TSPAN5: variants seen among roughly 807,000 people sequenced by gnomAD.
TSPAN5 encodes the protein tetraspanin-5.
A neutral mutation model predicts 37.1 loss-of-function variants in TSPAN5; 10 were observed. The observed-to-expected ratio is 0.27, with a 90% confidence interval of 0.17 to 0.46. The LOEUF is 0.46. Ranked by LOEUF, TSPAN5 falls within the 20% of genes least tolerant of loss-of-function variation. TSPAN5 has a pLI of 1.00. For synonymous variants in TSPAN5, 110 were observed against 118.9 expected (o/e 0.93, Z 0.48); for missense variants, 195 against 326.6 (o/e 0.60, Z 3.11).
chr4:98,570,397 G>A (rs962234822), intron 1 of TSPAN5, among the ~76,000 whole-genome samples: 4 of 152,308 alleles, frequency 2.6e-5, no homozygotes, highest in South Asian at 2.1e-4. Flanking sequence ...CACTGCCTAC[G>A]TAAAGACCAC....
At chr4:98,577,785 C>G (rs1755273023) in intron 1 of TSPAN5, among the ~76,000 whole-genome samples, 2 of 152,178 alleles carry the variant, frequency 1.3e-5, no homozygotes. Context: ...GTGTGAGTGA[C>G]TTTACCTCTC....
At chr4:98,576,483 CAG>C (rs1357897656) in intron 1 of TSPAN5, among the ~76,000 whole-genome samples, 2 of 152,116 alleles carry the variant, frequency 1.3e-5, no homozygotes, top group African/African-American at 2.4e-5. Context: ...CCTGTAATCC[CAG>C]ACAACATACT....
chr4:98,621,795 C>T (rs553374506), intron 1 of TSPAN5, among the ~76,000 whole-genome samples: 14 of 151,258 alleles, frequency 9.3e-5, no homozygotes, highest in Non-Finnish European at 2.1e-4. Context: ...CCCACCCCCC[C>T]CGCAGCCCCT....
intron 3 of TSPAN5, 45 bp downstream of exon 3, chr4:98,486,693 T>C (rs1183042452): frequency 6.2e-7 from 1 of 1,612,452 alleles, no homozygotes; most frequent in Non-Finnish European, 8.5e-7. Flanking sequence ...TGATGGAAGG[T>C]AAAGTTTTGG....
At chr4:98,491,110 C>T (rs12330953) in intron 2 of TSPAN5, among the ~76,000 whole-genome samples, 67,820 of 151,854 alleles carry the variant, frequency 0.45, 15,451 homozygotes, top group Admixed American at 0.54. Context: ...TTTTGAGGTG[C>T]GTGTATATAT....
At position 98,590,826 on chromosome 4, in the gene TSPAN5, TC is replaced by T. The variant is rs1246968332; in HGVS notation, c.81+67319del. On this transcript the variant is annotated intron_variant, in intron 1 of 7. Coordinates refer to ENST00000305798, the MANE Select transcript of TSPAN5 (RefSeq NM_005723.4). Reference sequence around the variant, plus strand: ...ACTCCAAGACTAGTCTATTATCAGCTCACTAAGACCCCACAAGGGTGAAATG... The same window carrying T: ...ACTCCAAGACTAGTCTATTATCAGCTACTAAGACCCCACAAGGGTGAAATG... Among the ~76,000 whole-genome samples the T allele has an allele frequency of 4.6e-5, 7 of 152,216 alleles. No individual in the cohort carries two copies. In the East Asian group the frequency reaches 1.3e-3, roughly 29 times the overall value.
chr4:98,612,068 A>G (rs1220789531), intron 1 of TSPAN5, among the ~76,000 whole-genome samples: 1 of 152,254 alleles, frequency 6.6e-6, no homozygotes, highest in South Asian at 2.1e-4. Flanking sequence ...CTAATTCTAC[A>G]CAGACACTGT....
intron 1 of TSPAN5, among the ~76,000 whole-genome samples, chr4:98,639,214 T>C (rs1228661275): frequency 6.6e-6 from 1 of 152,182 alleles, no homozygotes; most frequent in Non-Finnish European, 1.5e-5. Context: ...ATGAACCCCC[T>C]GCTACACTCT....
At chr4:98,554,390 CTTTG>C (rs35579565) in intron 1 of TSPAN5, among the ~76,000 whole-genome samples, 3,452 of 152,252 alleles carry the variant, frequency 0.023, 122 homozygotes, top group African/African-American at 0.079. Flanking sequence ...GTGTCTCATA[CTTTG>C]TTTGTTCACA....
chr4:98,538,692 T>C (rs571352005), intron 1 of TSPAN5, among the ~76,000 whole-genome samples: 1 of 152,270 alleles, frequency 6.6e-6, no homozygotes, highest in Non-Finnish European at 1.5e-5. Context: ...TAATATTTTA[T>C]GCTATACTTT....
chr4:98,474,039 T>C (rs1752642684), intron 7 of TSPAN5, among the ~76,000 whole-genome samples: 1 of 152,252 alleles, frequency 6.6e-6, no homozygotes, highest in Admixed American at 6.5e-5. Context: ...AGCACAGTTT[T>C]AAATTTTGAA....
In TSPAN5 at chr4:98,498,266, C is replaced by G. The variant is rs147638925; in HGVS notation, c.132+9412G>C. Among the ~76,000 whole-genome samples the G allele has an allele frequency of 6.0e-3, 910 of 152,234 alleles. 6 individuals are homozygous for G. The highest frequency in any genetic ancestry group is 0.01 in the Non-Finnish European group (709 of 68,012). ...TAGCCCAGGTCAGGAAGTGACAGAG[C>G]AGGGTTCTGAGCCTGGGCCGCCTGA... On this transcript the variant is annotated intron_variant, in intron 2 of 7. Coordinates refer to ENST00000305798, the MANE Select transcript of TSPAN5 (RefSeq NM_005723.4).
At chr4:98,649,602 T>C (rs952774988) in intron 1 of TSPAN5, among the ~76,000 whole-genome samples, 3 of 152,256 alleles carry the variant, frequency 2.0e-5, no homozygotes, top group Admixed American at 6.5e-5. Context: ...ATGAAGCACG[T>C]TGATATGCAT....
At chr4:98,519,796 T>C (rs1753813711) in intron 1 of TSPAN5, among the ~76,000 whole-genome samples, 1 of 152,212 alleles carries the variant, frequency 6.6e-6, no homozygotes, top group Non-Finnish European at 1.5e-5. Context: ...TGGACAGCAG[T>C]TGGCTCTAGA....
intron 1 of TSPAN5, chr4:98,509,654 C>T (rs1284844334): frequency 6.6e-6 from 1 of 152,168 alleles, no homozygotes; most frequent in African/African-American, 2.4e-5. Context: ...ACTATCCCAA[C>T]TGAAAAACCG....
chr4:98,655,349 T>C (rs919480544), intron 1 of TSPAN5, among the ~76,000 whole-genome samples: 1 of 152,168 alleles, frequency 6.6e-6, no homozygotes, highest in African/African-American at 2.4e-5. Flanking sequence ...CTCCAGCATA[T>C]TGGAACTCAA....
At chr4:98,582,736 A>G (rs939640896) in intron 1 of TSPAN5, among the ~76,000 whole-genome samples, 1 of 152,150 alleles carries the variant, frequency 6.6e-6, no homozygotes, top group African/African-American at 2.4e-5. Context: ...GGATTCATAC[A>G]CTAAGTTCTT....
At chr4:98,521,331 C>T (rs1361501519) in intron 1 of TSPAN5, among the ~76,000 whole-genome samples, 1 of 152,170 alleles carries the variant, frequency 6.6e-6, no homozygotes, top group African/African-American at 2.4e-5. Flanking sequence ...GAGCAAGGGT[C>T]AGGGAGACTT....
intron 1 of TSPAN5, among the ~76,000 whole-genome samples, chr4:98,655,036 A>G (rs1279295851): frequency 6.6e-6 from 1 of 152,124 alleles, no homozygotes. Context: ...CAGTAGGGAC[A>G]GAGTTTCACC....
Sources: allele counts gnomAD v4.1 joint callset (sites outside exome capture counted in the v4.1 genomes callset), GRCh38; gene constraint gnomAD v4.1.1; transcripts MANE v1.5; gene names NCBI Gene and HGNC (gene_info 2026-07-23, HGNC 2026-07-21).